CCDC57: variants seen among roughly 807,000 people sequenced by gnomAD.
CCDC57 encodes the protein coiled-coil domain containing 57, also known as coiled-coil domain-containing protein 57.
CCDC57 carries 118 observed loss-of-function variants against 118.9 expected under a neutral mutation model. The observed-to-expected ratio is 0.99, with a 90% CI of 0.86 to 1.16. The LOEUF (loss-of-function observed/expected upper bound fraction) is 1.16. Among genes scored for constraint, CCDC57 ranks in the 50% most tolerant of loss-of-function variants. CCDC57 has a pLI of 0.00. For missense variants in CCDC57, 1,300 were observed against 1,320.7 expected (o/e 0.98, Z 0.24); for synonymous variants, 527 against 532.9 (o/e 0.99, Z 0.15).
Position 82,119,952 on chromosome 17 carries a change from C to T in CCDC57, c.2899+7740G>A, listed in dbSNP as rs530188631. On this transcript the variant is annotated intron_variant, in intron 19 of 19. Transcript: ENST00000665763. Reference sequence around the variant, plus strand: ...CTCAGAGGTTGGCCGTGCCCTGGGACGGGGTGACTGCTGGGTCTGGATAGG... The same window carrying T: ...CTCAGAGGTTGGCCGTGCCCTGGGATGGGGTGACTGCTGGGTCTGGATAGG... Among the ~76,000 whole-genome samples the T allele has an allele frequency of 1.2e-4, 18 of 152,216 alleles. No homozygotes were observed. The East Asian group carries it at 2.1e-3, about 18-fold the overall frequency.
At chr17:82,162,384 T>C (rs543051019) in intron 14 of CCDC57, among the ~76,000 whole-genome samples, 3 of 152,246 alleles carry the variant, frequency 2.0e-5, no homozygotes, top group South Asian at 2.1e-4. Flanking sequence ...CCCAGCCCCA[T>C]GGGAAACAGG....
chr17:82,102,268 G>A (rs1174602874), intron 19 of CCDC57, among the ~76,000 whole-genome samples: 1 of 152,184 alleles, frequency 6.6e-6, no homozygotes, highest in Non-Finnish European at 1.5e-5. Flanking sequence ...AGGCTGCCCC[G>A]GGTGTCCCTA....
intron 19 of CCDC57, 34 bp from the exon 19 acceptor site, chr17:82,101,900 A>T (rs568581488): frequency 1.3e-6 from 2 of 1,523,286 alleles, no homozygotes; most frequent in Admixed American, 2.2e-5. Flanking sequence ...AGCATGCATC[A>T]GGATGGCAGG....
chr17:82,146,519 T>G (rs1015923533), intron 16 of CCDC57, among the ~76,000 whole-genome samples: 1 of 152,062 alleles, frequency 6.6e-6, no homozygotes, highest in Non-Finnish European at 1.5e-5. Context: ...AGCTGGAACT[T>G]CAGACACACA....
At chr17:82,177,706 T>C (rs1440534465) in intron 11 of CCDC57, among the ~76,000 whole-genome samples, 2 of 152,192 alleles carry the variant, frequency 1.3e-5, no homozygotes, top group Non-Finnish European at 2.9e-5. Context: ...CACCAGTGGC[T>C]GGCCGCTTAG....
chr17:82,170,098 A>G (rs2044495484), intron 13 of CCDC57, among the ~76,000 whole-genome samples: 1 of 152,206 alleles, frequency 6.6e-6, no homozygotes, highest in Non-Finnish European at 1.5e-5. Flanking sequence ...CTGCCCCCCA[A>G]AATTTACGGG....
chr17:82,126,631 G>A, intron 19 of CCDC57: 7 of 985,400 alleles, frequency 7.1e-6, no homozygotes, highest in Non-Finnish European at 8.4e-6. Context: ...AGGACTCTCA[G>A]ACACTGCTGC....
In CCDC57 at chr17:82,157,750, C is replaced by T. The variant is rs937891045; in HGVS notation, c.2239G>A (p.Glu747Lys). The T allele has an allele frequency of 9.4e-6, 15 of 1,591,398 alleles. No individual in the cohort carries two copies. In the African/African-American group the frequency reaches 2.0e-4, roughly 21 times the overall value. Residue 747 changes from glutamate to lysine, a missense_variant and splice_region_variant, in exon 15 of 20, where the codon GAG becomes AAG. Coordinates refer to ENST00000665763, the Ensembl canonical transcript of CCDC57. Reference sequence around the variant, plus strand: ...AGGAGGAGCTAGCGGGCACCCACCTCTCTCCCAAGGGCCACGGCGTCCGAG... The same window carrying T: ...AGGAGGAGCTAGCGGGCACCCACCTTTCTCCCAAGGGCCACGGCGTCCGAG...
chr17:82,138,648 C>T (rs1042845776), intron 16 of CCDC57, among the ~76,000 whole-genome samples: 2 of 147,816 alleles, frequency 1.4e-5, no homozygotes, highest in Admixed American at 6.7e-5. Flanking sequence ...GGAAGAGACG[C>T]ATGGCCTGCC....
chr17:82,141,747 C>T (rs1008831910), intron 16 of CCDC57, among the ~76,000 whole-genome samples: 2 of 152,098 alleles, frequency 1.3e-5, no homozygotes, highest in Non-Finnish European at 2.9e-5. Flanking sequence ...TTACAACATC[C>T]GACATCCGCA....
At chr17:82,178,331 C>T in intron 11 of CCDC57, 143 bp downstream of exon 10, 1 of 968,214 alleles carries the variant, frequency 1.0e-6, no homozygotes, top group Non-Finnish European at 1.5e-6. Flanking sequence ...GCTTCTGACT[C>T]ACCCTTGTTT....
intron 3 of CCDC57, 26 bp from the exon 3 acceptor site, chr17:82,198,448 A>C: frequency 7.0e-7 from 1 of 1,429,300 alleles, no homozygotes. Context: ...AGCATTAAGA[A>C]AAGCCATACC....
At chr17:82,200,282 C>T (rs1431759682) in intron 3 of CCDC57, among the ~76,000 whole-genome samples, 1 of 152,150 alleles carries the variant, frequency 6.6e-6, no homozygotes, top group African/African-American at 2.4e-5. Context: ...CGCACTGACA[C>T]GAAGGACAGA....
At chr17:82,162,567 TCTGAGCGGGCAG>T (rs2043483777) in intron 14 of CCDC57, among the ~76,000 whole-genome samples, 1 of 151,746 alleles carries the variant, frequency 6.6e-6, no homozygotes, top group Admixed American at 6.6e-5. Context: ...CCAGGACCCC[TCTGAGCGGGCAG>T]GTGGCATCGG....
intron 4 of CCDC57, among the ~76,000 whole-genome samples, chr17:82,196,063 T>C (rs1187641634): frequency 2.0e-5 from 3 of 152,218 alleles, no homozygotes; most frequent in South Asian, 2.1e-4. Context: ...AAGTCAGCCA[T>C]AGTCACGGCC....
chr17:82,152,046 C>A, intron 15 of CCDC57: 1 of 481,210 alleles, frequency 2.1e-6, no homozygotes, highest in South Asian at 2.4e-5. Flanking sequence ...CCTCCGCCTC[C>A]TCCCCGCCAT....
chr17:82,194,713 C>G (rs1187099226), intron 5 of CCDC57, among the ~76,000 whole-genome samples: 2 of 152,206 alleles, frequency 1.3e-5, no homozygotes, highest in African/African-American at 4.8e-5. Context: ...CACTTCATTT[C>G]TTAGCACATA....
chr17:82,117,177 C>G (rs931823931), intron 19 of CCDC57, among the ~76,000 whole-genome samples: 2 of 151,588 alleles, frequency 1.3e-5, no homozygotes, highest in East Asian at 3.9e-4. Flanking sequence ...ATGGGGAAAA[C>G]CCATCTCTAC....
intron 8 of CCDC57, 136 bp downstream of exon 7, chr17:82,188,083 G>C (rs1599308324): frequency 9.0e-6 from 5 of 554,706 alleles, no homozygotes; most frequent in Non-Finnish European, 1.5e-5. Context: ...GTTAAGAAAA[G>C]TGACTGAGAG....
Sources: gnomAD v4.1 joint callset for allele counts (sites outside exome capture counted in the v4.1 genomes callset) on GRCh38, gnomAD v4.1.1 for gene constraint, MANE v1.5 for transcripts, NCBI Gene and HGNC (gene_info 2026-07-23, HGNC 2026-07-21) for gene names.